The following GABRB3 variants were observed in gnomAD, a reference collection of about 807,000 sequenced individuals.
GABRB3 encodes the protein gamma-aminobutyric acid type A receptor subunit beta3, also known as gamma-aminobutyric acid receptor subunit beta-3.
GABRB3 carries 14 observed loss-of-function variants against 52.1 expected under a neutral mutation model. The ratio of observed to expected loss-of-function variants is 0.27; its 90% CI spans 0.18 to 0.42. The LOEUF is 0.42. Among genes scored for constraint, GABRB3 ranks in the 10% least tolerant of loss-of-function variants. The pLI is 1.00. For missense variants in GABRB3, 307 were observed against 609.1 expected, an observed-to-expected ratio of 0.50 and a Z score of 5.22; for synonymous variants, 260 against 232.3, an observed-to-expected ratio of 1.12 and a Z score of -1.08.
At chr15:26,631,862 TCCCTCC>T (rs1892921072) in intron 3 of GABRB3, among the ~76,000 whole-genome samples, 1 of 152,170 alleles carries the variant, frequency 6.6e-6, no homozygotes, top group Non-Finnish European at 1.5e-5. Flanking sequence ...CTTCTCTGCC[TCCCTCC>T]ATCTTGCTTT....
intron 3 of GABRB3, among the ~76,000 whole-genome samples, chr15:26,710,373 T>C (rs1889254540): frequency 6.6e-6 from 1 of 152,180 alleles, no homozygotes; most frequent in Non-Finnish European, 1.5e-5. Context: ...ATGATTCTTC[T>C]GCCTCAGCCT....
chr15:26,606,656 A>T (rs1891804714), intron 4 of GABRB3, among the ~76,000 whole-genome samples: 1 of 151,552 alleles, frequency 6.6e-6, no homozygotes, highest in South Asian at 2.1e-4. Context: ...TGCTAGAGCA[A>T]TTAGGCAAAA....
Position 26,586,836 on chromosome 15 carries a change from T to C in GABRB3, c.462-3422A>G, listed in dbSNP as rs531458672. Among the ~76,000 whole-genome samples the C allele has an allele frequency of 7.9e-5, 12 of 152,160 alleles. No homozygotes were observed. In the South Asian group the frequency reaches 2.5e-3, roughly 32 times the overall value. On this transcript the variant is annotated intron_variant, in intron 4 of 8. Transcript: ENST00000311550. ...ATCACATTTTCACTTATTTGTGGAA[T>C]TAAAACAATGAACTTATAGAAGTAG...
chr15:26,600,188 A>C (rs967327676), intron 4 of GABRB3, among the ~76,000 whole-genome samples: 2 of 152,080 alleles, frequency 1.3e-5, no homozygotes, highest in Non-Finnish European at 2.9e-5. Context: ...TTATCCAGTC[A>C]GATAAACAAG....
intron 3 of GABRB3, among the ~76,000 whole-genome samples, chr15:26,747,652 G>T (rs1339375259): frequency 6.6e-6 from 1 of 152,156 alleles, no homozygotes; most frequent in Non-Finnish European, 1.5e-5. Flanking sequence ...GGATAACCAC[G>T]TCAATCAGAG....
At chr15:26,728,012 T>G (rs1162841707) in intron 3 of GABRB3, among the ~76,000 whole-genome samples, 1 of 152,220 alleles carries the variant, frequency 6.6e-6, no homozygotes, top group Non-Finnish European at 1.5e-5. Context: ...TGTTATTCCC[T>G]TCTAGTCAAT....
At chr15:26,635,855 C>T (rs959690032) in intron 3 of GABRB3, among the ~76,000 whole-genome samples, 4 of 152,318 alleles carry the variant, frequency 2.6e-5, no homozygotes, top group Admixed American at 2.0e-4. Context: ...GAGAGCAAGT[C>T]TATTCATTTC....
chr15:26,574,276 G>A (rs1373455942), intron 6 of GABRB3, among the ~76,000 whole-genome samples: 1 of 152,128 alleles, frequency 6.6e-6, no homozygotes, highest in Admixed American at 6.5e-5. Context: ...GTGTTGGTGA[G>A]AATATGGAGA....
At chr15:26,677,480 C>T (rs182149782) in intron 3 of GABRB3, among the ~76,000 whole-genome samples, 1 of 152,218 alleles carries the variant, frequency 6.6e-6, no homozygotes, top group Admixed American at 6.5e-5. Flanking sequence ...TCCTCTTGGC[C>T]ATCCTTCTCC....
chr15:26,606,409 A>C (rs1006173139), intron 4 of GABRB3, among the ~76,000 whole-genome samples: 2 of 152,158 alleles, frequency 1.3e-5, no homozygotes, highest in Non-Finnish European at 2.9e-5. Context: ...CATGTATCCC[A>C]TGAATATAGA....
At chr15:26,724,904 T>C (rs1566819941) in intron 3 of GABRB3, among the ~76,000 whole-genome samples, 1 of 152,140 alleles carries the variant, frequency 6.6e-6, no homozygotes, top group Non-Finnish European at 1.5e-5. Flanking sequence ...AGAATGGCCA[T>C]GCAGGCTGCA....
intron 3 of GABRB3, among the ~76,000 whole-genome samples, chr15:26,730,117 T>C: frequency 6.6e-6 from 1 of 152,184 alleles, no homozygotes; most frequent in East Asian, 1.9e-4. Flanking sequence ...CTTTCAAATA[T>C]TCTAAATTCC....
chr15:26,667,504 G>A (rs1426403874), intron 3 of GABRB3, among the ~76,000 whole-genome samples: 1 of 152,196 alleles, frequency 6.6e-6, no homozygotes, highest in Non-Finnish European at 1.5e-5. Context: ...GGGTGCTAGC[G>A]CTGGCTGTTT....
intron 3 of GABRB3, among the ~76,000 whole-genome samples, chr15:26,771,485 C>G (rs1194171623): frequency 6.6e-6 from 1 of 152,070 alleles, no homozygotes; most frequent in Non-Finnish European, 1.5e-5. Flanking sequence ...CAATTTCTTC[C>G]AAAAAACAAA....
At chr15:26,554,041 T>TTATATA (rs1555400774) in intron 8 of GABRB3, among the ~76,000 whole-genome samples, 1 of 62,102 alleles carries the variant, frequency 1.6e-5, no homozygotes, top group South Asian at 5.2e-4. Flanking sequence ...ATATATTTAT[T>TTATATA]TATTTATATT....
In GABRB3 at chr15:26,543,669, G is replaced by C. The variant is rs543175020; in HGVS notation, c.*4124C>G. 6.6e-6 allele frequency: 1 copy of C among 152,618 alleles called. No individual in the cohort carries two copies. The highest frequency in any genetic ancestry group is 2.1e-4 in the South Asian group (1 of 4,818). The allele number at this position is 152,618 out of a possible 1,614,324, so 9.5% of individuals were successfully genotyped here. ...TAATACCAAAAAATTACATCAATGT[G>C]CTTAAGCAAAACTGGGTTTAAATTT... On this transcript the variant is annotated 3_prime_UTR_variant, in exon 9 of 9. Coordinates refer to ENST00000311550, the MANE Select transcript of GABRB3 (RefSeq NM_000814.6).
intron 3 of GABRB3, among the ~76,000 whole-genome samples, chr15:26,705,052 G>T (rs1889055257): frequency 2.0e-5 from 3 of 152,154 alleles, no homozygotes; most frequent in African/African-American, 7.2e-5. Flanking sequence ...CTCCTCCTCT[G>T]ACTTACCCTA....
At chr15:26,727,824 C>G (rs775130434) in intron 3 of GABRB3, among the ~76,000 whole-genome samples, 1 of 152,162 alleles carries the variant, frequency 6.6e-6, no homozygotes, top group Non-Finnish European at 1.5e-5. Context: ...TTCATACAAG[C>G]CTTACTTGTT....
At position 26,568,665 on chromosome 15, in the gene GABRB3, G is replaced by GTT. The variant is rs138366725; in HGVS notation, c.683-934_683-933dup. 9.4e-3 allele frequency among the ~76,000 whole-genome samples: 1,119 copies of GTT among 118,856 alleles called. 17 individuals carry two copies. The highest frequency in any genetic ancestry group is 0.01 in the African/African-American group (344 of 32,914). 78.0% of individuals were successfully genotyped at this position (118,856 alleles called of 152,430 possible). On this transcript the variant is annotated intron_variant, in intron 6 of 8. Transcript: ENST00000311550. Reference sequence around the variant, plus strand: ...GGTGCCTGCCACCATGCCCAGCTAGGTTTTTTTTTTTTTTTTTGGTTTTGT... The same window carrying GTT: ...GGTGCCTGCCACCATGCCCAGCTAGGTTTTTTTTTTTTTTTTTTTGGTTTTGT...
Sources: gnomAD v4.1 joint callset for allele counts (sites outside exome capture counted in the v4.1 genomes callset) on GRCh38, gnomAD v4.1.1 for gene constraint, MANE v1.5 for transcripts, NCBI Gene and HGNC (gene_info 2026-07-23, HGNC 2026-07-21) for gene names.